The following PRPSAP1 variants were observed in gnomAD, a reference collection of about 807,000 sequenced individuals.
PRPSAP1 encodes phosphoribosyl pyrophosphate synthase-associated protein 1.
Under a neutral mutation model 39.4 loss-of-function variants are expected in PRPSAP1, and 31 were observed. That is an observed-to-expected ratio of 0.79 (90% CI 0.59 to 1.06). The LOEUF (loss-of-function observed/expected upper bound fraction) is 1.06, where lower values mean the gene tolerates loss of function less well. PRPSAP1 is among the 50% of genes least tolerant of loss of function. The probability of loss-of-function intolerance (pLI) is 0.00; values close to 1 mark genes in which losing one functional copy is unlikely to be tolerated. For missense variants in PRPSAP1, 430 were observed against 511.6 expected, an observed-to-expected ratio of 0.84 and a Z score of 1.54; for synonymous variants, 212 against 192.6, an observed-to-expected ratio of 1.10 and a Z score of -0.83.
chr17:76,338,572 G>A (rs1376533271), intron 3 of PRPSAP1, among the ~76,000 whole-genome samples: 2 of 151,712 alleles, frequency 1.3e-5, no homozygotes, highest in Non-Finnish European at 2.9e-5. Context: ...GTGTGGTGGT[G>A]TGCACCTGTA....
At chr17:76,329,065 A>T in intron 6 of PRPSAP1, 1 of 520,322 alleles carries the variant, frequency 1.9e-6, no homozygotes, top group Non-Finnish European at 3.1e-6. Context: ...ATTGTATCTG[A>T]TTCTAGACAT....
upstream of PRPSAP1, chr17:76,354,032 G>A (rs1163694855): frequency 1.7e-5 from 19 of 1,124,390 alleles, no homozygotes; most frequent in African/African-American, 4.9e-5. Context: ...CTTCCGAGGG[G>A]CATGTCACAG....
intron 3 of PRPSAP1, chr17:76,337,448 A>AACAACAACAAAC (rs1555595610): frequency 6.6e-6 from 1 of 151,868 alleles, no homozygotes; most frequent in East Asian, 1.9e-4. Flanking sequence ...CAACAACAAC[A>AACAACAACAAAC]AACTAACCTG....
chr17:76,350,113 A>G (rs975533548), intron 1 of PRPSAP1, among the ~76,000 whole-genome samples: 2 of 150,516 alleles, frequency 1.3e-5, no homozygotes, highest in African/African-American at 4.9e-5. Flanking sequence ...AGGTATACAC[A>G]TACAATGGAA....
chr17:76,312,969 G>T lies in PRPSAP1; in HGVS notation c.900C>A (p.Ile300=). ...TCTTATAGGCGCCTCTCTCTTTCAG[G>T]ATCTCCGCGGCAGCAACAAAACTCT... ...DVESFVAAAE[I]LKERGAYKIY... Residue 300 remains isoleucine, a synonymous_variant, in exon 9 of 10, where the codon ATC becomes ATA. Coordinates refer to ENST00000446526, the MANE Select transcript of PRPSAP1 (RefSeq NM_002766.3). The T allele has an allele frequency of 6.2e-7, 1 of 1,614,046 alleles. No individual in the cohort carries two copies. The highest frequency in any genetic ancestry group is 8.5e-7 in the Non-Finnish European group (1 of 1,180,026).
intron 7 of PRPSAP1, among the ~76,000 whole-genome samples, chr17:76,328,269 G>A (rs991509167): frequency 1.3e-5 from 2 of 151,398 alleles, no homozygotes; most frequent in African/African-American, 2.4e-5. Context: ...CTACATAGTC[G>A]ATAACTCCTA....
intron 3 of PRPSAP1, among the ~76,000 whole-genome samples, chr17:76,342,944 G>A (rs1055502588): frequency 1.3e-5 from 2 of 151,972 alleles, no homozygotes; most frequent in South Asian, 4.1e-4. Flanking sequence ...CCCGGGCATG[G>A]TGGCAGGCAC....
intron 6 of PRPSAP1, chr17:76,329,075 T>TG (rs553663302): frequency 4.1e-5 from 4 of 97,924 alleles, no homozygotes; most frequent in Non-Finnish European, 6.9e-5. Flanking sequence ...ATTCTAGACA[T>TG]TTTTTTTTTT....
Position 76,353,301 on chromosome 17 carries a change from A to C in PRPSAP1, c.170+233T>G, listed in dbSNP as rs537359041. 1.2e-4 allele frequency: 57 copies of C among 492,566 alleles called. 1 individual carries two copies. The East Asian group carries it at 1.9e-3, about 16-fold the overall frequency. 30.5% of individuals were successfully genotyped at this position (492,566 alleles called of 1,614,324 possible). A position where few individuals can be genotyped will look rare whatever the true frequency, so the allele number is the denominator to read the frequency against. On this transcript the variant is annotated intron_variant, in intron 1 of 9. Coordinates refer to ENST00000446526, the MANE Select transcript of PRPSAP1 (RefSeq NM_002766.3). ...CGAAAGGCAGGCAGGCCGCGGACCC[A>C]GTCACGGGGCGGGGGGCTGAGGTCA...
chr17:76,317,575 A>G (rs1203062059), intron 7 of PRPSAP1, among the ~76,000 whole-genome samples: 1 of 152,192 alleles, frequency 6.6e-6, no homozygotes, highest in Non-Finnish European at 1.5e-5. Flanking sequence ...TCTTCTGTAG[A>G]ACAGAAATGA....
chr17:76,332,157 C>A, intron 4 of PRPSAP1, 106 bp downstream of exon 4: 2 of 1,381,716 alleles, frequency 1.4e-6, no homozygotes, highest in South Asian at 1.4e-5. Context: ...CAAAAGGAAA[C>A]AAACACTCAG....
chr17:76,331,690 C>T (rs1402523222), intron 4 of PRPSAP1, among the ~76,000 whole-genome samples: 1 of 151,964 alleles, frequency 6.6e-6, no homozygotes, highest in Non-Finnish European at 1.5e-5. Context: ...TGAGGGAGGA[C>T]CATACATTTC....
At chr17:76,328,028 A>G (rs568274871) in intron 7 of PRPSAP1, among the ~76,000 whole-genome samples, 8 of 151,236 alleles carry the variant, frequency 5.3e-5, no homozygotes, top group African/African-American at 1.9e-4. Context: ...ATACAAAAAG[A>G]AAAAAAAAGG....
At chr17:76,314,233 T>G in intron 7 of PRPSAP1, 24 of 269,164 alleles carry the variant, frequency 8.9e-5, no homozygotes, top group East Asian at 3.9e-4. Context: ...TGTATGTATT[T>G]TTTGAGACGG....
At chr17:76,341,593 C>T (rs2071439636) in intron 3 of PRPSAP1, among the ~76,000 whole-genome samples, 1 of 152,154 alleles carries the variant, frequency 6.6e-6, no homozygotes, top group Admixed American at 6.6e-5. Context: ...TTCGTTATCA[C>T]AAATTCAATT....
chr17:76,337,073 T>C (rs1035899113), intron 3 of PRPSAP1, among the ~76,000 whole-genome samples: 1 of 152,164 alleles, frequency 6.6e-6, no homozygotes, highest in African/African-American at 2.4e-5. Context: ...TTAATTGTTT[T>C]ACCAACTACT....
chr17:76,351,612 G>C (rs557039945), intron 1 of PRPSAP1, among the ~76,000 whole-genome samples: 1 of 151,954 alleles, frequency 6.6e-6, no homozygotes, highest in African/African-American at 2.4e-5. Context: ...GCTTGAACTT[G>C]GGACGTGGAG....
intron 1 of PRPSAP1, among the ~76,000 whole-genome samples, chr17:76,352,644 C>CAAAAAAAAAAAAAAAAAAAAAAAAA (rs55986677): frequency 1.9e-5 from 1 of 53,572 alleles, no homozygotes; most frequent in Non-Finnish European, 3.9e-5. Flanking sequence ...GACTCCGTCT[C>CAAAAAAAAAAAAAAAAAAAAAAAAA]AAAAAAAAAA....
intron 5 of PRPSAP1, 191 bp from the exon 6 acceptor site, chr17:76,330,289 A>C: frequency 8.4e-6 from 5 of 592,956 alleles, no homozygotes; most frequent in Non-Finnish European, 1.2e-5. Flanking sequence ...TACGTCAAGA[A>C]TTTTTTAAAA....
Sources: allele counts gnomAD v4.1 joint callset (sites outside exome capture counted in the v4.1 genomes callset), GRCh38; gene constraint gnomAD v4.1.1; transcripts MANE v1.5; gene names NCBI Gene and HGNC (gene_info 2026-07-23, HGNC 2026-07-21).